The following STPG2 variants were observed in gnomAD, a reference collection of about 807,000 sequenced individuals.
STPG2 encodes the protein sperm tail PG-rich repeat containing 2, also known as sperm-tail PG-rich repeat-containing protein 2.
STPG2 carries 56 observed loss-of-function variants against 54.2 expected under a neutral mutation model. The ratio of observed to expected loss-of-function variants is 1.03; its 90% CI spans 0.83 to 1.29. STPG2 has a LOEUF of 1.29. STPG2 is among the 50% of genes most tolerant of loss of function. The pLI, the probability that STPG2 is intolerant of heterozygous loss-of-function variation, is 0.00. For synonymous variants in STPG2, 200 were observed against 181.8 expected (o/e 1.10, Z -0.81); for missense variants, 596 against 544.9 (o/e 1.09, Z -0.93).
At chr4:97,975,995 A>G (rs1269979015) in intron 6 of STPG2, among the ~76,000 whole-genome samples, 1 of 152,186 alleles carries the variant, frequency 6.6e-6, no homozygotes, top group East Asian at 1.9e-4. Flanking sequence ...GTACTAGGTT[A>G]GACGTTACTT....
chr4:97,800,415 C>T (rs1727347960), intron 9 of STPG2, among the ~76,000 whole-genome samples: 1 of 152,220 alleles, frequency 6.6e-6, no homozygotes, highest in South Asian at 2.1e-4. Context: ...GGGCCCTTGG[C>T]TGCAGGCCTG....
chr4:97,777,998 A>G (rs1212390322), intron 9 of STPG2, among the ~76,000 whole-genome samples: 1 of 152,170 alleles, frequency 6.6e-6, no homozygotes, highest in Non-Finnish European at 1.5e-5. Context: ...GACACAGAAG[A>G]CAGGTGATTT....
chr4:97,932,694 T>C (rs552834126), intron 8 of STPG2, among the ~76,000 whole-genome samples: 2 of 152,310 alleles, frequency 1.3e-5, no homozygotes, highest in African/African-American at 4.8e-5. Flanking sequence ...AAGGACATAA[T>C]CTCATTCCTT....
At chr4:97,669,539 G>T in intron 10 of STPG2, among the ~76,000 whole-genome samples, 1 of 26,424 alleles carries the variant, frequency 3.8e-5, no homozygotes, top group East Asian at 8.2e-4. Context: ...GCTCACGCCT[G>T]TAATCCCAGC....
At chr4:97,674,919 TACTA>T (rs1423632306) in intron 10 of STPG2, among the ~76,000 whole-genome samples, 2 of 152,170 alleles carry the variant, frequency 1.3e-5, no homozygotes, top group African/African-American at 4.8e-5. Context: ...CAGTGCCTCT[TACTA>T]ACTGTTATTA....
intron 4 of STPG2, among the ~76,000 whole-genome samples, chr4:97,443,571 G>A (rs1050259796): frequency 1.3e-5 from 2 of 152,038 alleles, no homozygotes; most frequent in Non-Finnish European, 2.9e-5. Context: ...CCTATTATTA[G>A]AATAAGAGAA....
At chr4:97,660,034 G>A (rs937014590) in intron 10 of STPG2, among the ~76,000 whole-genome samples, 27 of 147,536 alleles carry the variant, frequency 1.8e-4, no homozygotes, top group African/African-American at 6.5e-4. Context: ...ACGGAGTCTC[G>A]CTCTGTCGCC....
At chr4:98,115,500 T>G (rs1047177043) in intron 3 of STPG2, among the ~76,000 whole-genome samples, 3 of 152,012 alleles carry the variant, frequency 2.0e-5, no homozygotes, top group Admixed American at 1.3e-4. Context: ...GTTTAACATT[T>G]GTCACTTAGA....
intron 8 of STPG2, among the ~76,000 whole-genome samples, chr4:97,847,981 T>A (rs1729009644): frequency 6.6e-6 from 1 of 152,232 alleles, no homozygotes; most frequent in African/African-American, 2.4e-5. Flanking sequence ...AACTGCTTAT[T>A]TTAGCTTTAG....
At chr4:97,447,007 G>A (rs887619040) in intron 4 of STPG2, among the ~76,000 whole-genome samples, 1 of 152,210 alleles carries the variant, frequency 6.6e-6, no homozygotes, top group Non-Finnish European at 1.5e-5. Flanking sequence ...ATAGGAAGAT[G>A]AGGAAAAGTT....
intron 10 of STPG2, among the ~76,000 whole-genome samples, chr4:97,696,010 A>G (rs1286991590): frequency 6.6e-6 from 1 of 152,130 alleles, no homozygotes; most frequent in Non-Finnish European, 1.5e-5. Context: ...AACTAGAAAA[A>G]AAAACCTAAA....
At chr4:97,963,188 A>C (rs796363750) in intron 7 of STPG2, among the ~76,000 whole-genome samples, 12 of 130,700 alleles carry the variant, frequency 9.2e-5, no homozygotes, top group Admixed American at 5.8e-4. Flanking sequence ...AACAAACAAA[A>C]AAACAATAAT....
In STPG2 at chr4:97,671,771, T is replaced by TGTAAGTGGGCATG. The variant is rs1722703669; in HGVS notation, c.1320+40915_1320+40927dup. ...ATTCTCTGTGCTTCAAGTTCAACTC[T>TGTAAGTGGGCATG]GTAAGTGGGCATGGTAACAACATCC... On this transcript the variant is annotated intron_variant, in intron 10 of 10. Coordinates refer to ENST00000295268, the MANE Select transcript of STPG2 (RefSeq NM_174952.3). Among the ~76,000 whole-genome samples the TGTAAGTGGGCATG allele has an allele frequency of 2.0e-5, 3 of 152,294 alleles. No individual in the cohort carries two copies. In the South Asian group the frequency reaches 6.2e-4, roughly 32 times the overall value.
At chr4:98,032,243 T>C (rs1036840142) in intron 5 of STPG2, among the ~76,000 whole-genome samples, 1 of 152,048 alleles carries the variant, frequency 6.6e-6, no homozygotes, top group African/African-American at 2.4e-5. Context: ...GAAGTCACTA[T>C]ACAAAAAAGA....
chr4:97,849,891 T>G (rs1193357570), intron 8 of STPG2, among the ~76,000 whole-genome samples: 4 of 152,092 alleles, frequency 2.6e-5, no homozygotes, highest in Non-Finnish European at 5.9e-5. Context: ...GAACTAGAAA[T>G]ACCATTTGAC....
At position 97,678,206 on chromosome 4, in the gene STPG2, T is replaced by A. The variant is rs1258887777; in HGVS notation, c.1320+34493A>T. On this transcript the variant is annotated intron_variant, in intron 10 of 10. Coordinates refer to ENST00000295268, the MANE Select transcript of STPG2 (RefSeq NM_174952.3). ...ATTTAGAATTTACACTTACAGGGTT[T>A]TTTTCAGTTTTCCATTTGGGATCAC... 2.0e-5 allele frequency among the ~76,000 whole-genome samples: 3 copies of A among 152,156 alleles called. No individual in the cohort carries two copies. The East Asian group carries it at 5.8e-4, about 29-fold the overall frequency.
At position 97,712,804 on chromosome 4, in the gene STPG2, T is replaced by C; in HGVS notation, c.1215A>G (p.Ala405=). The C allele has an allele frequency of 1.2e-6, 2 of 1,600,506 alleles. No individual in the cohort carries two copies. Among genetic ancestry groups the C allele is most frequent in the Non-Finnish European group, 1.7e-6 (2 of 1,172,588 alleles). The change falls in exon 10 of 11, where the codon GCA becomes GCG. Residue 405 remains alanine, a synonymous_variant. Transcript: ENST00000295268. ...AAGATTTCCTTAAAACAGGATTGTA[T>C]GCTGCAGGACCTGAGAGACAACAAA... The part of the protein sequence containing the change: ...EKVTDGPGPA[A]YNPVLRKSCP...
chr4:97,503,057 A>G lies in STPG2; in HGVS notation c.462+209642T>C, dbSNP rs551094292. 1.9e-3 allele frequency among the ~76,000 whole-genome samples: 291 copies of G among 152,150 alleles called. 1 individual carries two copies. Among genetic ancestry groups the G allele is most frequent in the African/African-American group, 6.5e-3 (270 of 41,558 alleles). ...GATACTTCCTATATACTATTTGGTT[A>G]CCCAAGGGATAGTTCAATTATAATA... On this transcript the variant is annotated intron_variant, in intron 4 of 4. Coordinates refer to the STPG2 transcript ENST00000522676.
intron 9 of STPG2, among the ~76,000 whole-genome samples, chr4:97,722,310 T>C (rs1014968547): frequency 6.6e-6 from 1 of 151,684 alleles, no homozygotes; most frequent in Admixed American, 6.6e-5. Context: ...GGAGGGGAAA[T>C]GGTGAGTTCT....
Sources: allele counts gnomAD v4.1 joint callset (sites outside exome capture counted in the v4.1 genomes callset), GRCh38; gene constraint gnomAD v4.1.1; transcripts MANE v1.5; gene names NCBI Gene and HGNC (gene_info 2026-07-23, HGNC 2026-07-21).